The following NF2 variants were observed in gnomAD, a reference collection of about 807,000 sequenced individuals.
NF2 encodes merlin.
In NF2, 8 loss-of-function variants were observed where a neutral mutation model predicts 83.7. The observed-to-expected ratio is 0.10, with a 90% CI of 0.06 to 0.17. The LOEUF is 0.17. NF2 is among the 10% of genes least tolerant of loss of function. The pLI, the probability that NF2 is intolerant of heterozygous loss-of-function variation, is 1.00. For missense variants in NF2, 533 were observed against 744.4 expected, an observed-to-expected ratio of 0.72 and a Z score of 3.31; for synonymous variants, 266 against 269.6, an observed-to-expected ratio of 0.99 and a Z score of 0.13.
At chr22:29,606,344 A>G (rs551362126) in intron 1 of NF2, among the ~76,000 whole-genome samples, 2 of 152,314 alleles carry the variant, frequency 1.3e-5, no homozygotes, top group Admixed American at 6.5e-5. Context: ...TGGTGCCCCA[A>G]TTGCTCATCC....
intron 7 of NF2, among the ~76,000 whole-genome samples, chr22:29,659,526 G>A (rs577429750): frequency 1.3e-5 from 2 of 152,198 alleles, no homozygotes; most frequent in Middle Eastern, 3.4e-3. Flanking sequence ...TGTTTTTTGT[G>A]TGTGTTTCCT....
intron 3 of NF2, among the ~76,000 whole-genome samples, chr22:29,640,860 G>A (rs573827416): frequency 8.5e-5 from 13 of 152,108 alleles, no homozygotes; most frequent in South Asian, 2.1e-4. Flanking sequence ...TAGGCTGGGC[G>A]TGGTGGCTCA....
At chr22:29,630,794 C>T (rs1377023464) in intron 1 of NF2, among the ~76,000 whole-genome samples, 1 of 152,140 alleles carries the variant, frequency 6.6e-6, no homozygotes, top group African/African-American at 2.4e-5. Flanking sequence ...ACTTTGGCTG[C>T]GTGGAAAGCG....
chr22:29,681,923 CCTTA>C (rs935836985), intron 15 of NF2, among the ~76,000 whole-genome samples: 23 of 152,226 alleles, frequency 1.5e-4, no homozygotes, highest in African/African-American at 4.1e-4. Flanking sequence ...CAGGGAGCTG[CCTTA>C]CTTTATGAGA....
chr22:29,682,878 A>C (rs964027428), intron 15 of NF2: 1 of 929,666 alleles, frequency 1.1e-6, no homozygotes, highest in Admixed American at 1.9e-5. Context: ...AGCTGGAGAG[A>C]CCCCGTTCCA....
chr22:29,656,474 G>A (rs922280746), intron 6 of NF2, among the ~76,000 whole-genome samples: 12 of 140,674 alleles, frequency 8.5e-5, no homozygotes, highest in East Asian at 4.6e-4. Context: ...GTGCAGTGGC[G>A]CGATCTCGGC....
intron 1 of NF2, among the ~76,000 whole-genome samples, chr22:29,612,228 G>A (rs1243538421): frequency 6.6e-6 from 1 of 152,174 alleles, no homozygotes; most frequent in South Asian, 2.1e-4. Context: ...GGCTGGTCTC[G>A]AACTCCTGAC....
At chr22:29,631,509 C>T (rs768438060) in intron 1 of NF2, among the ~76,000 whole-genome samples, 2 of 152,160 alleles carry the variant, frequency 1.3e-5, no homozygotes, top group Non-Finnish European at 2.9e-5. Context: ...TCATTTTTCT[C>T]CTGTTTTGAG....
chr22:29,612,828 G>A (rs1219288489), intron 1 of NF2, among the ~76,000 whole-genome samples: 1 of 151,940 alleles, frequency 6.6e-6, no homozygotes, highest in Non-Finnish European at 1.5e-5. Context: ...AGGCGTAGTG[G>A]CTCATGCCTG....
Position 29,696,265 on chromosome 22 carries a change from G to A in NF2, c.*1463G>A, listed in dbSNP as rs2067551385. The A allele has an allele frequency of 1.4e-5, 3 of 215,018 alleles. No individual in the cohort carries two copies. The highest frequency in any genetic ancestry group is 1.2e-4 in the Admixed American group (2 of 17,076). The allele number at this position is 215,018 out of a possible 1,614,324, so 13.3% of individuals were successfully genotyped here. ...ATGTTCTGTATTTTTAATAGGGACG[G>A]GGTTTTGCCATGTTAGCTAGGCTGG... On this transcript the variant is annotated 3_prime_UTR_variant, in exon 16 of 16. Transcript: ENST00000338641.
intron 1 of NF2, among the ~76,000 whole-genome samples, chr22:29,628,150 G>A (rs868445065): frequency 6.8e-6 from 1 of 146,608 alleles, no homozygotes; most frequent in East Asian, 2.0e-4. Context: ...CTGTGTGTGT[G>A]TGTGTGTGTG....
intron 4 of NF2, among the ~76,000 whole-genome samples, chr22:29,644,380 G>T (rs550613541): frequency 6.6e-6 from 1 of 151,058 alleles, no homozygotes; most frequent in African/African-American, 2.4e-5. Context: ...GGGAAGAGGC[G>T]CTCCTCACTT....
intron 1 of NF2, among the ~76,000 whole-genome samples, chr22:29,608,481 C>A (rs1401370521): frequency 6.6e-6 from 1 of 151,184 alleles, no homozygotes; most frequent in Non-Finnish European, 1.5e-5. Context: ...CCAGCCTGGC[C>A]AACATGGTGA....
chr22:29,658,704 A>G (rs775778392), intron 7 of NF2, among the ~76,000 whole-genome samples: 8 of 138,884 alleles, frequency 5.8e-5, no homozygotes, highest in Non-Finnish European at 1.1e-4. Context: ...GATTCTCACT[A>G]TGAGGCTAAT....
At chr22:29,682,699 A>G (rs2147128098) in intron 15 of NF2, among the ~76,000 whole-genome samples, 1 of 152,344 alleles carries the variant, frequency 6.6e-6, no homozygotes, top group East Asian at 1.9e-4. Context: ...GGAAAGAGGT[A>G]AAACGATGGC....
chr22:29,628,492 T>A (rs920738205), intron 1 of NF2, among the ~76,000 whole-genome samples: 6 of 151,918 alleles, frequency 3.9e-5, no homozygotes, highest in Admixed American at 2.6e-4. Context: ...TTAAATAGAT[T>A]TGGCATAATA....
chr22:29,673,690 T>A (rs1001182650), intron 12 of NF2, among the ~76,000 whole-genome samples: 3 of 152,040 alleles, frequency 2.0e-5, no homozygotes, highest in African/African-American at 7.3e-5. Context: ...GGAACTCAGT[T>A]CCCCCTCCAG....
chr22:29,673,566 C>T (rs1285529234), intron 12 of NF2, 80 bp downstream of exon 12: 19 of 1,457,814 alleles, frequency 1.3e-5, no homozygotes, highest in East Asian at 2.4e-5. Context: ...CTGAGCTCTA[C>T]AGCAGTTGTC....
At chr22:29,633,408 C>G (rs1038614132) in intron 1 of NF2, among the ~76,000 whole-genome samples, 2 of 152,148 alleles carry the variant, frequency 1.3e-5, no homozygotes, top group African/African-American at 4.8e-5. Flanking sequence ...TGGTCCTGTT[C>G]AGGCACCTGT....
Sources: allele counts gnomAD v4.1 joint callset (sites outside exome capture counted in the v4.1 genomes callset), GRCh38; gene constraint gnomAD v4.1.1; transcripts MANE v1.5; gene names NCBI Gene and HGNC (gene_info 2026-07-23, HGNC 2026-07-21).